The following MSL2 variants were observed in gnomAD, a reference collection of about 807,000 sequenced individuals.
MSL2 encodes MSL complex subunit 2, also known as E3 ubiquitin-protein ligase MSL2.
Under a neutral mutation model 35.8 loss-of-function variants are expected in MSL2, and 2 were observed. That is an observed-to-expected ratio of 0.06 (90% CI 0.02 to 0.18). The LOEUF (loss-of-function observed/expected upper bound fraction) is 0.18. Ranked by LOEUF, MSL2 falls within the 10% of genes least tolerant of loss-of-function variation. The probability of loss-of-function intolerance (pLI) is 1.00; values close to 1 mark genes in which losing one functional copy is unlikely to be tolerated. For synonymous variants in MSL2, 296 were observed against 255.7 expected, an observed-to-expected ratio of 1.16 and a Z score of -1.50; for missense variants, 523 against 706.7, an observed-to-expected ratio of 0.74 and a Z score of 2.95.
intron 1 of MSL2, among the ~76,000 whole-genome samples, chr3:136,180,275 G>A (rs1007476067): frequency 2.0e-5 from 3 of 151,818 alleles, no homozygotes; most frequent in Non-Finnish European, 2.9e-5. Flanking sequence ...GCTTCAAAAC[G>A]GCATCTACAA....
chr3:136,164,249 A>G (rs748411740), intron 1 of MSL2, among the ~76,000 whole-genome samples: 2 of 152,228 alleles, frequency 1.3e-5, no homozygotes, highest in Admixed American at 6.5e-5. Context: ...CTAATATGTT[A>G]ATCAAAACCT....
intron 1 of MSL2, among the ~76,000 whole-genome samples, chr3:136,181,269 T>C (rs1275529487): frequency 3.3e-5 from 5 of 152,200 alleles, no homozygotes; most frequent in African/African-American, 9.6e-5. Flanking sequence ...TTCTTGTCTC[T>C]AACCGTTGAT....
Position 136,150,009 on chromosome 3 carries a change from TCCCC to T in MSL2, c.*1134_*1137del. ...CAGAATGTTTGTGACTCACTTGTCTTCCCCATAAAAATTAACCGGAAGAAGTGCA... is the reference window on the plus strand; with the variant it reads ...CAGAATGTTTGTGACTCACTTGTCTTATAAAAATTAACCGGAAGAAGTGCA... On this transcript the variant is annotated 3_prime_UTR_variant, in exon 2 of 2. Coordinates refer to ENST00000309993, the MANE Select transcript of MSL2 (RefSeq NM_018133.4). The T allele has an allele frequency of 6.6e-6, 1 of 152,656 alleles. No homozygotes were observed. The highest frequency in any genetic ancestry group is 2.4e-5 in the African/African-American group (1 of 41,462). 9.5% of individuals were successfully genotyped at this position (152,656 alleles called of 1,614,324 possible). A position where few individuals can be genotyped will look rare whatever the true frequency, so the allele number is the denominator to read the frequency against.
intron 1 of MSL2, among the ~76,000 whole-genome samples, chr3:136,160,667 C>CCATTGCA (rs546522372): frequency 2.0e-5 from 3 of 150,936 alleles, no homozygotes; most frequent in Admixed American, 6.6e-5. Context: ...CGAGACCATG[C>CCATTGCA]CATTGCACTC....
chr3:136,165,153 G>C (rs1426217671), intron 1 of MSL2, among the ~76,000 whole-genome samples: 1 of 150,814 alleles, frequency 6.6e-6, no homozygotes, highest in African/African-American at 2.4e-5. Context: ...TGGGATTACA[G>C]GCATGAGCCA....
At chr3:136,178,979 CTTT>C (rs763670751) in intron 1 of MSL2, among the ~76,000 whole-genome samples, 2 of 101,812 alleles carry the variant, frequency 2.0e-5, no homozygotes, top group Non-Finnish European at 2.1e-5. Flanking sequence ...TGTTGGTTTT[CTTT>C]TTTTTTTTTT....
chr3:136,176,182 G>T (rs1337873893), intron 1 of MSL2, among the ~76,000 whole-genome samples: 1 of 152,174 alleles, frequency 6.6e-6, no homozygotes, highest in Non-Finnish European at 1.5e-5. Context: ...ATATAGTTGT[G>T]TGCAGGCATA....
At position 136,195,535 on chromosome 3, in the gene MSL2, C is replaced by G; in HGVS notation, c.-422G>C. 1 of 1,006,256 alleles carries G rather than the reference C, an allele frequency of 9.9e-7. No homozygotes were observed. The highest frequency in any genetic ancestry group is 1.2e-6 in the Non-Finnish European group (1 of 843,550). The allele number at this position is 1,006,256 out of a possible 1,614,324, so 62.3% of individuals were successfully genotyped here. A position where few individuals can be genotyped will look rare whatever the true frequency, so the allele number is the denominator to read the frequency against. On this transcript the variant is annotated 5_prime_UTR_variant, in exon 1 of 2. Transcript: ENST00000309993. ...GGCAGGCGCGGGAGCAGGCCCCGGC[C>G]CCGTCTGAGGCGCGGCACGCTTCTC... is the stretch of plus-strand genomic sequence containing the variant.
chr3:136,160,177 GGGGC>G (rs1270461891), intron 1 of MSL2, among the ~76,000 whole-genome samples: 1 of 151,154 alleles, frequency 6.6e-6, no homozygotes, highest in Non-Finnish European at 1.5e-5. Flanking sequence ...TCAGGAGTCT[GGGGC>G]AGGAGAATTG....
chr3:136,166,062 T>TAAAA (rs34420183), intron 1 of MSL2, among the ~76,000 whole-genome samples: 3 of 80,082 alleles, frequency 3.7e-5, no homozygotes, highest in Non-Finnish European at 4.7e-5. Context: ...TACGTACCAG[T>TAAAA]AAAAAAAAAA....
intron 1 of MSL2, among the ~76,000 whole-genome samples, chr3:136,186,244 T>C (rs576781934): frequency 5.9e-5 from 9 of 152,318 alleles, no homozygotes; most frequent in East Asian, 1.9e-4. Context: ...TTCAACACCA[T>C]TGTATAACTG....
intron 1 of MSL2, among the ~76,000 whole-genome samples, chr3:136,154,638 CA>C (rs1161335767): frequency 6.6e-6 from 1 of 151,600 alleles, no homozygotes; most frequent in East Asian, 1.9e-4. Context: ...ACTTATAAGC[CA>C]AAAACATCAT....
intron 1 of MSL2, among the ~76,000 whole-genome samples, chr3:136,181,949 T>C (rs1368628862): frequency 1.4e-5 from 2 of 147,726 alleles, no homozygotes; most frequent in African/African-American, 5.2e-5. Context: ...AATAAATAAA[T>C]AAATAAATAA....
intron 1 of MSL2, among the ~76,000 whole-genome samples, chr3:136,173,283 C>G (rs961523993): frequency 6.6e-6 from 1 of 152,176 alleles, no homozygotes; most frequent in Non-Finnish European, 1.5e-5. Flanking sequence ...ATCTCCAACT[C>G]AAATCTTTCT....
chr3:136,170,508 C>CTTTTTTTT (rs71157363), intron 1 of MSL2, among the ~76,000 whole-genome samples: 8 of 81,654 alleles, frequency 9.8e-5, no homozygotes, highest in Admixed American at 1.6e-4. Flanking sequence ...AAACTCTGTC[C>CTTTTTTTT]TTTTTTTTTT....
rs1940324492 is a variant in MSL2, at chr3:136,180,787, AGGGAGGGAG to A, written c.142+14176_142+14184del. ...GAGGGAGGGAGGGAGGGAGGGAGGG[AGGGAGGGAG>A]GGAGGGAGGGAGGGAAGGAGGGAAG... On this transcript the variant is annotated intron_variant, in intron 1 of 1. Coordinates refer to ENST00000309993, the MANE Select transcript of MSL2 (RefSeq NM_018133.4). 2.5e-4 allele frequency among the ~76,000 whole-genome samples: 15 copies of A among 61,162 alleles called. No homozygotes were observed. The South Asian group carries it at 4.5e-3, about 18-fold the overall frequency. 40.1% of individuals were successfully genotyped at this position (61,162 alleles called of 152,430 possible). A position where few individuals can be genotyped will look rare whatever the true frequency, so the allele number is the denominator to read the frequency against.
chr3:136,190,409 A>G (rs1324359871), intron 1 of MSL2, among the ~76,000 whole-genome samples: 1 of 152,098 alleles, frequency 6.6e-6, no homozygotes, highest in Non-Finnish European at 1.5e-5. Flanking sequence ...TAAATTAGCC[A>G]ACCACGTGTG....
At chr3:136,166,810 C>G (rs1939867649) in intron 1 of MSL2, among the ~76,000 whole-genome samples, 1 of 152,222 alleles carries the variant, frequency 6.6e-6, no homozygotes, top group Admixed American at 6.5e-5. Context: ...TCTTGGAAAA[C>G]TCTTTAAATA....
At chr3:136,186,693 G>A (rs191864571) in intron 1 of MSL2, among the ~76,000 whole-genome samples, 75 of 152,214 alleles carry the variant, frequency 4.9e-4, no homozygotes, top group Non-Finnish European at 3.2e-4. Context: ...GGACCCTTGT[G>A]GAAAACACGC....
Sources: allele counts gnomAD v4.1 joint callset (sites outside exome capture counted in the v4.1 genomes callset), GRCh38; gene constraint gnomAD v4.1.1; transcripts MANE v1.5; gene names NCBI Gene and HGNC (gene_info 2026-07-23, HGNC 2026-07-21).